Variants in ST6GALNAC3 observed in about 807,000 individuals in gnomAD.
The protein encoded by ST6GALNAC3 is ST6 N-acetylgalactosaminide alpha-2,6-sialyltransferase 3.
ST6GALNAC3 carries 25 observed loss-of-function variants against 32.7 expected under a neutral mutation model. That is an observed-to-expected ratio of 0.76 (90% CI 0.56 to 1.07). The LOEUF (loss-of-function observed/expected upper bound fraction) is 1.07, where lower values mean the gene tolerates loss of function less well. ST6GALNAC3 is among the 50% of genes least tolerant of loss of function. The pLI is 0.00. For missense variants in ST6GALNAC3, 355 were observed against 382.4 expected, an observed-to-expected ratio of 0.93 and a Z score of 0.60; for synonymous variants, 129 against 133.1, an observed-to-expected ratio of 0.97 and a Z score of 0.21.
At chr1:76,122,847 A>G (rs1335738) in intron 1 of ST6GALNAC3, among the ~76,000 whole-genome samples, 92,941 of 151,946 alleles carry the variant, frequency 0.61, 28,982 homozygotes, top group African/African-American at 0.69. Context: ...CGGCATGCTG[A>G]GGATTGAGAC....
At chr1:76,122,837 C>T (rs529737761) in intron 1 of ST6GALNAC3, among the ~76,000 whole-genome samples, 8 of 152,094 alleles carry the variant, frequency 5.3e-5, no homozygotes, top group African/African-American at 1.4e-4. Context: ...TGTGCATATG[C>T]GGCATGCTGA....
chr1:76,556,699 A>T (rs1362667362), intron 3 of ST6GALNAC3, among the ~76,000 whole-genome samples: 1 of 152,024 alleles, frequency 6.6e-6, no homozygotes, highest in East Asian at 1.9e-4. Context: ...AAATCGTTTG[A>T]CCATTTTTAA....
intron 3 of ST6GALNAC3, among the ~76,000 whole-genome samples, chr1:76,520,186 CATCTT>C (rs1026632927): frequency 2.6e-5 from 4 of 151,908 alleles, no homozygotes; most frequent in African/African-American, 7.3e-5. Context: ...TTGATAGTGT[CATCTT>C]ATTTACTCAG....
chr1:76,173,156 G>C (rs939051840), intron 1 of ST6GALNAC3, among the ~76,000 whole-genome samples: 1 of 152,176 alleles, frequency 6.6e-6, no homozygotes, highest in South Asian at 2.1e-4. Context: ...TAATGGAGCA[G>C]AGTAGAGACC....
chr1:76,331,455 G>C (rs1203922528), intron 2 of ST6GALNAC3, among the ~76,000 whole-genome samples: 3 of 152,178 alleles, frequency 2.0e-5, no homozygotes, highest in Non-Finnish European at 2.9e-5. Context: ...TGATTGAATA[G>C]AACCTTTGCT....
At chr1:76,412,490 AG>A (rs1335161916) in intron 3 of ST6GALNAC3, 73 bp downstream of exon 3, 5 of 1,418,864 alleles carry the variant, frequency 3.5e-6, no homozygotes, top group Non-Finnish European at 4.7e-6. Context: ...TTCCTTTTGC[AG>A]GATATAAAAT....
intron 1 of ST6GALNAC3, among the ~76,000 whole-genome samples, chr1:76,121,072 G>A (rs1648842382): frequency 6.6e-6 from 1 of 152,086 alleles, no homozygotes; most frequent in Admixed American, 6.6e-5. Context: ...CCCTTATAGG[G>A]ATCCCTGGAA....
At chr1:76,519,353 T>A (rs1662371188) in intron 3 of ST6GALNAC3, among the ~76,000 whole-genome samples, 1 of 152,102 alleles carries the variant, frequency 6.6e-6, no homozygotes, top group Non-Finnish European at 1.5e-5. Flanking sequence ...GCTTCTACAG[T>A]CTCTTTGCAT....
At chr1:76,605,784 G>A (rs894984619) in intron 3 of ST6GALNAC3, among the ~76,000 whole-genome samples, 3 of 131,262 alleles carry the variant, frequency 2.3e-5, no homozygotes, top group African/African-American at 5.7e-5. Context: ...AGAATCACTT[G>A]AACCCAAGTG....
chr1:76,385,322 C>T (rs1652013482), intron 2 of ST6GALNAC3, among the ~76,000 whole-genome samples: 1 of 152,062 alleles, frequency 6.6e-6, no homozygotes, highest in African/African-American at 2.4e-5. Flanking sequence ...TATTATGGAA[C>T]TAGATATAAC....
At chr1:76,514,664 G>T (rs1258950780) in intron 3 of ST6GALNAC3, among the ~76,000 whole-genome samples, 2 of 152,090 alleles carry the variant, frequency 1.3e-5, no homozygotes, top group African/African-American at 4.8e-5. Context: ...ATGTTGTGAC[G>T]CAGCAAAAGC....
intron 3 of ST6GALNAC3, among the ~76,000 whole-genome samples, chr1:76,484,215 G>C (rs1319580185): frequency 6.6e-6 from 1 of 152,036 alleles, no homozygotes; most frequent in Admixed American, 6.6e-5. Flanking sequence ...GCTCTTTTTT[G>C]GTTCCATATG....
chr1:76,278,223 C>CTTTTTTTTTTTTTTTTTTTTTTTT (rs568694243), intron 1 of ST6GALNAC3, among the ~76,000 whole-genome samples: 1 of 113,768 alleles, frequency 8.8e-6, no homozygotes, highest in East Asian at 3.2e-4. Flanking sequence ...GCTAGGCATT[C>CTTTTTTTTTTTTTTTTTTTTTTTT]TTTTTTTTTT....
At chr1:76,469,680 G>A (rs532672087) in intron 3 of ST6GALNAC3, among the ~76,000 whole-genome samples, 2 of 152,172 alleles carry the variant, frequency 1.3e-5, no homozygotes, top group South Asian at 2.1e-4. Flanking sequence ...GTAAGGCAGA[G>A]GTGAGCAGTT....
intron 1 of ST6GALNAC3, among the ~76,000 whole-genome samples, chr1:76,088,378 A>G (rs1296937863): frequency 1.8e-4 from 27 of 152,248 alleles, no homozygotes; most frequent in Admixed American, 1.7e-3. Context: ...AAATGAAAAT[A>G]TAACTTGAAT....
chr1:76,391,522 ACCTTCCTTCCTT>A (rs71071997), intron 2 of ST6GALNAC3, among the ~76,000 whole-genome samples: 38,542 of 137,554 alleles, frequency 0.28, 5,620 homozygotes, highest in Admixed American at 0.35. Context: ...ATTAGGAAAG[ACCTTCCTTCCTT>A]CCTTCCTTCC....
chr1:76,456,757 G>A (rs1192450538), intron 3 of ST6GALNAC3, among the ~76,000 whole-genome samples: 1 of 152,066 alleles, frequency 6.6e-6, no homozygotes, highest in East Asian at 1.9e-4. Context: ...TACTGAATGG[G>A]CAAAAACTGG....
chr1:76,395,154 A>G (rs12043272), intron 2 of ST6GALNAC3, among the ~76,000 whole-genome samples: 43,971 of 151,968 alleles, frequency 0.29, 7,701 homozygotes, highest in East Asian at 0.6. Context: ...AAAAATGTAA[A>G]GGAGGTCATC....
chr1:76,547,841 G>A (rs1390862091), intron 3 of ST6GALNAC3, among the ~76,000 whole-genome samples: 1 of 134,896 alleles, frequency 7.4e-6, no homozygotes, highest in Non-Finnish European at 1.5e-5. Context: ...CAGCCCCAGC[G>A]ACAATGCGAG....
Sources: allele counts gnomAD v4.1 joint callset (sites outside exome capture counted in the v4.1 genomes callset), GRCh38; gene constraint gnomAD v4.1.1; transcripts MANE v1.5; gene names NCBI Gene and HGNC (gene_info 2026-07-23, HGNC 2026-07-21).